The following ARHGAP23 variants were observed in gnomAD, a reference collection of about 807,000 sequenced individuals.
ARHGAP23 encodes the protein Rho GTPase activating protein 23.
In ARHGAP23, 34 loss-of-function variants were observed where a neutral mutation model predicts 136.3. The observed-to-expected ratio is 0.25, with a 90% CI of 0.19 to 0.33. The LOEUF is 0.33. Ranked by LOEUF, ARHGAP23 falls within the 10% of genes least tolerant of loss-of-function variation. ARHGAP23 has a pLI of 1.00. For synonymous variants in ARHGAP23, 832 were observed against 920.5 expected, an observed-to-expected ratio of 0.90 and a Z score of 1.74; for missense variants, 1,808 against 2,139.0, an observed-to-expected ratio of 0.85 and a Z score of 3.05.
intron 1 of ARHGAP23, among the ~76,000 whole-genome samples, chr17:38,445,401 G>A (rs997436493): frequency 1.3e-5 from 2 of 151,362 alleles, no homozygotes; most frequent in Non-Finnish European, 2.9e-5. Flanking sequence ...CGCTTGAACC[G>A]GGGAGGCAGA....
At chr17:38,462,271 T>TTTTA (rs2039478738) in intron 3 of ARHGAP23, among the ~76,000 whole-genome samples, 1 of 63,402 alleles carries the variant, frequency 1.6e-5, no homozygotes, top group African/African-American at 6.5e-5. Flanking sequence ...TTTTTTTTTT[T>TTTTA]GAGACAGTGT....
rs1394206275 is a variant in ARHGAP23, at chr17:38,477,717, G to A, written c.2257G>A (p.Ala753Thr). The A allele has an allele frequency of 1.3e-6, 2 of 1,543,758 alleles. No individual in the cohort carries two copies. The highest frequency in any genetic ancestry group is 3.9e-5 in the Admixed American group (2 of 50,696). Residue 753 changes from alanine (A) to threonine (T), a missense_variant, in exon 12 of 24, where the codon GCG becomes ACG. Transcript: ENST00000622683. This position sits in a 1 kb window ranked among gnomAD's most constrained non-coding sequence, Gnocchi z 6.6. ...GGCGGCCGGCGCAGGTGAGGACGAGGCGGCGCCCGTCTGCATCGGCTCCTG... is the reference window on the plus strand; with the variant it reads ...GGCGGCCGGCGCAGGTGAGGACGAGACGGCGCCCGTCTGCATCGGCTCCTG... ...AAAAGAGEDE[A>T]APVCIGSCLV...
upstream of ARHGAP23, among the ~76,000 whole-genome samples, chr17:38,425,067 C>G (rs1039950795): frequency 6.6e-6 from 1 of 152,202 alleles, no homozygotes; most frequent in Non-Finnish European, 1.5e-5. Context: ...GCCCTCCATT[C>G]CTGTTCCCGT....
chr17:38,464,997 C>T (rs762496514), intron 6 of ARHGAP23, among the ~76,000 whole-genome samples: 23 of 150,062 alleles, frequency 1.5e-4, no homozygotes, highest in Non-Finnish European at 3.1e-4. Context: ...GAGAGAGAGT[C>T]GGGTGGGGGT....
intron 1 of ARHGAP23, among the ~76,000 whole-genome samples, chr17:38,444,930 A>G (rs376714734): frequency 3.4e-4 from 52 of 151,106 alleles, no homozygotes; most frequent in African/African-American, 1.0e-3. Flanking sequence ...CAATTCTCCT[A>G]CCTCAGCCTC....
intron 20 of ARHGAP23, among the ~76,000 whole-genome samples, chr17:38,491,925 C>T (rs2040288277): frequency 6.6e-6 from 1 of 152,170 alleles, no homozygotes; most frequent in Admixed American, 6.5e-5. Flanking sequence ...CAAGGTCTGG[C>T]CTGATATCAG....
intron 1 of ARHGAP23, among the ~76,000 whole-genome samples, chr17:38,447,437 GAAAAAAAAAAAAA>G (rs71138625): frequency 2.3e-4 from 6 of 25,636 alleles, no homozygotes; most frequent in Admixed American, 5.8e-4. Flanking sequence ...GACTCCGTCT[GAAAAAAAAAAAAA>G]AAAAAAAAAA....
intron 23 of ARHGAP23, among the ~76,000 whole-genome samples, chr17:38,501,749 G>A (rs2040526562): frequency 6.6e-6 from 1 of 151,822 alleles, no homozygotes; most frequent in African/African-American, 2.4e-5. Context: ...TACCTCCTAA[G>A]GAAATTGAAT....
rs926282578 is a variant in ARHGAP23, at chr17:38,436,894, C to T, written c.63+8346C>T. ...ATAACGGGAGTTTAAAACTGGAAGC[C>T]GGAAGCTGGGTAGAATTGCCACAGG... On this transcript the variant is annotated intron_variant, in intron 1 of 23. Transcript: ENST00000622683. Among the ~76,000 whole-genome samples, 7 of 152,070 alleles carry T rather than the reference C, an allele frequency of 4.6e-5. No homozygotes were observed. The East Asian group carries it at 7.7e-4, about 17-fold the overall frequency.
Position 38,466,458 on chromosome 17 carries a change from C to A in ARHGAP23, c.775C>A (p.His259Asn), listed in dbSNP as rs1295103391. 6.6e-7 allele frequency: 1 copy of A among 1,522,690 alleles called. No individual in the cohort carries two copies. Among genetic ancestry groups the A allele is most frequent in the Admixed American group, 2.0e-5 (1 of 49,830 alleles). The allele number at this position is 1,522,690 out of a possible 1,614,324, so 94.3% of individuals were successfully genotyped here. A position where few individuals can be genotyped will look rare whatever the true frequency, so the allele number is the denominator to read the frequency against. The change falls in exon 7 of 24, where the codon CAC becomes AAC. Residue 259 changes from histidine (H) to asparagine (N), a missense_variant. Physicochemically the swap from His to Asn is moderately conservative, Grantham distance 68 (BLOSUM62 1). Coordinates refer to ENST00000622683, the MANE Select transcript of ARHGAP23 (RefSeq NM_001199417.2). Reference protein sequence around the residue: ...QPRPSPGAFPHLSSEPRTPRA... With the variant: ...QPRPSPGAFPNLSSEPRTPRA... ...CCGCCCCAGCCCTGGTGCCTTCCCC[C>A]ACCTCTCCTCGGAGCCCCGGACGCC...
intron 13 of ARHGAP23, 99 bp downstream of exon 13, chr17:38,479,596 C>G (rs1200664977): frequency 6.9e-7 from 1 of 1,449,230 alleles, no homozygotes; most frequent in African/African-American, 1.4e-5. Context: ...CTGCCCTCTG[C>G]TGGGGGAAGG....
chr17:38,436,431 T>C (rs2038800018), intron 1 of ARHGAP23, among the ~76,000 whole-genome samples: 1 of 151,752 alleles, frequency 6.6e-6, no homozygotes, highest in African/African-American at 2.4e-5. Context: ...CCTCCTGCCC[T>C]CTCCGTAATT....
intron 14 of ARHGAP23, among the ~76,000 whole-genome samples, chr17:38,481,241 G>T (rs1410197647): frequency 2.0e-5 from 3 of 151,998 alleles, no homozygotes; most frequent in Admixed American, 6.5e-5. Flanking sequence ...CCGCCTCCTG[G>T]GTTCACGCCA....
At chr17:38,431,654 TGGACTTTGG>T (rs1469268331) in intron 1 of ARHGAP23, among the ~76,000 whole-genome samples, 1 of 152,232 alleles carries the variant, frequency 6.6e-6, no homozygotes, top group Non-Finnish European at 1.5e-5. Flanking sequence ...GCCTTGGGGC[TGGACTTTGG>T]GGAGATTTTA....
intron 16 of ARHGAP23, among the ~76,000 whole-genome samples, chr17:38,484,237 G>C (rs2040111281): frequency 6.6e-6 from 1 of 152,056 alleles, no homozygotes; most frequent in Non-Finnish European, 1.5e-5. Context: ...TGCATGAGAG[G>C]GAGGAAGGAG....
intron 11 of ARHGAP23, among the ~76,000 whole-genome samples, chr17:38,473,443 T>C (rs2039812764): frequency 6.6e-6 from 1 of 152,172 alleles, no homozygotes; most frequent in African/African-American, 2.4e-5. Flanking sequence ...AATGTTATCC[T>C]ACCCCAAGGG....
chr17:38,510,430 C>A lies in ARHGAP23; in HGVS notation c.3934C>A (p.Leu1312Ile). 1 of 1,226,752 alleles carries A rather than the reference C, an allele frequency of 8.2e-7. No homozygotes were observed. The highest frequency in any genetic ancestry group is 4.0e-5 in the South Asian group (1 of 24,996). 76.0% of individuals were successfully genotyped at this position (1,226,752 alleles called of 1,614,324 possible). Residue 1312 changes from leucine (L) to isoleucine (I), a missense_variant, in exon 24 of 24, where the codon CTC (leucine) becomes ATC (isoleucine). Physicochemically the swap from Leu to Ile is conservative, Grantham distance 5 (BLOSUM62 2). Around this residue, in one of 7 missense-constraint regions of ARHGAP23, gnomAD observed 506 missense variants for 455.8 expected, o/e 1.11. Transcript: ENST00000622683. The surrounding 1 kb of genome is among the most constrained non-coding windows in gnomAD (Gnocchi z 4.6). ...CCGGCCGTCCTTCAGCTCGCACCAC[C>A]TCATGCCCTGCGACACTCTGGCGCG... is the stretch of plus-strand genomic sequence containing the variant. ...TRRPSFSSHH[L>I]MPCDTLARRR...
In ARHGAP23 at chr17:38,477,879, A is replaced by T; in HGVS notation, c.2419A>T (p.Ser807Cys). The T allele has an allele frequency of 6.5e-7, 1 of 1,548,174 alleles. No individual in the cohort carries two copies. The highest frequency in any genetic ancestry group is 8.7e-7 in the Non-Finnish European group (1 of 1,146,396). The part of the protein sequence containing the change: ...LGWIRAIREN[S>C]RAEGEDPGCA... The stretch of plus-strand genomic sequence containing the variant: ...CTGGATCAGAGCGATCCGGGAGAAC[A>T]GCAGGGCCGAGGGCGAGGTGAGGGC... Residue 807 changes from serine to cysteine, a missense_variant, in exon 12 of 24, where the codon AGC becomes TGC. Physicochemically the swap from Ser to Cys is moderately radical, Grantham distance 112. Coordinates refer to ENST00000622683, the MANE Select transcript of ARHGAP23 (RefSeq NM_001199417.2). This position sits in a 1 kb window ranked among gnomAD's most constrained non-coding sequence, Gnocchi z 6.6.
chr17:38,492,491 A>C (rs1180322382), intron 20 of ARHGAP23, among the ~76,000 whole-genome samples: 1 of 152,190 alleles, frequency 6.6e-6, no homozygotes, highest in East Asian at 1.9e-4. Flanking sequence ...TCATGGTCAC[A>C]CAGCTAATAA....
Sources: gnomAD v4.1 joint callset for allele counts (sites outside exome capture counted in the v4.1 genomes callset) on GRCh38, gnomAD v4.1.1 for gene constraint, gnomAD v4.1.1 regional missense constraint, Gnocchi (gnomAD v3.1) non-coding constraint, MANE v1.5 for transcripts, NCBI Gene and HGNC (gene_info 2026-07-23, HGNC 2026-07-21) for gene names.